Variants in CAMTA1 observed in about 807,000 individuals in gnomAD.
CAMTA1 encodes the protein calmodulin binding transcription activator 1.
CAMTA1 carries 27 observed loss-of-function variants against 170.9 expected under a neutral mutation model. The ratio of observed to expected loss-of-function variants is 0.16; its 90% CI spans 0.12 to 0.22. The LOEUF is 0.22. CAMTA1 is among the 10% of genes least tolerant of loss of function. The pLI is 1.00. For synonymous variants in CAMTA1, 833 were observed against 891.5 expected (o/e 0.93, Z 1.17); for missense variants, 1,619 against 2,217.2 (o/e 0.73, Z 5.42).
chr1:7,716,282 C>G (rs2096609430), intron 11 of CAMTA1, among the ~76,000 whole-genome samples: 1 of 152,186 alleles, frequency 6.6e-6, no homozygotes, highest in Non-Finnish European at 1.5e-5. Context: ...ATCCTCCTGC[C>G]TCAGCCTCAA....
At position 7,458,560 on chromosome 1, in the gene CAMTA1, T is replaced by C. The variant is rs1194934471; in HGVS notation, c.439-9270T>C. Among the ~76,000 whole-genome samples the C allele has an allele frequency of 2.6e-5, 4 of 152,176 alleles. No individual in the cohort carries two copies. The East Asian group carries it at 7.7e-4, about 29-fold the overall frequency. ...CCTGGAGAATGAATTTTGGGGAGCC[T>C]TCCCGCCCCTGCCCAGAGGAGTCCC... On this transcript the variant is annotated intron_variant, in intron 5 of 22. Transcript: ENST00000303635.
chr1:7,409,289 T>G (rs905173906), intron 5 of CAMTA1, among the ~76,000 whole-genome samples: 7 of 151,948 alleles, frequency 4.6e-5, no homozygotes, highest in African/African-American at 1.7e-4. Flanking sequence ...TCCGAATACT[T>G]CTTCTTGGAG....
intron 5 of CAMTA1, among the ~76,000 whole-genome samples, chr1:7,452,141 C>G (rs1424206934): frequency 6.6e-6 from 1 of 152,228 alleles, no homozygotes; most frequent in South Asian, 2.1e-4. Context: ...ATTTCAGCAC[C>G]TCGAATGGGG....
At chr1:6,902,732 G>A (rs981165698) in intron 3 of CAMTA1, among the ~76,000 whole-genome samples, 1 of 152,204 alleles carries the variant, frequency 6.6e-6, no homozygotes, top group South Asian at 2.1e-4. Flanking sequence ...GGTGTTCAAC[G>A]TCAGGGAAAT....
intron 5 of CAMTA1, among the ~76,000 whole-genome samples, chr1:7,395,664 A>G (rs2089241505): frequency 6.6e-6 from 1 of 152,196 alleles, no homozygotes; most frequent in Non-Finnish European, 1.5e-5. Flanking sequence ...TGATTTGGGT[A>G]ATGTGAACAT....
rs1405777170 is a variant in CAMTA1 at position 6,845,339 on chromosome 1, A to G, written c.234+20129A>G. ...GGAACCCTCTGGCATCTCCGTTTATATCTGCTACCACCTCTAACTACCTCG... is the reference window on the plus strand; with the variant it reads ...GGAACCCTCTGGCATCTCCGTTTATGTCTGCTACCACCTCTAACTACCTCG... On this transcript the variant is annotated intron_variant, in intron 3 of 22. Transcript: ENST00000303635. Among the ~76,000 whole-genome samples the G allele has an allele frequency of 2.6e-5, 4 of 152,152 alleles. No homozygotes were observed. In the East Asian group the frequency reaches 7.7e-4, roughly 29 times the overall value.
chr1:7,642,760 C>A lies in CAMTA1; in HGVS notation c.664+2207C>A, dbSNP rs942821085. 4.6e-5 allele frequency among the ~76,000 whole-genome samples: 7 copies of A among 152,110 alleles called. No individual in the cohort carries two copies. Among genetic ancestry groups the A allele is most frequent in the African/African-American group, 1.7e-4 (7 of 41,410 alleles). ...ACACAGCCCCAGACCAATGCCCCACCCTCTCTGCACCCCAGTACCCCTTCT... is the reference window on the plus strand; with the variant it reads ...ACACAGCCCCAGACCAATGCCCCACACTCTCTGCACCCCAGTACCCCTTCT... On this transcript the variant is annotated intron_variant, in intron 7 of 22. Coordinates refer to ENST00000303635, the MANE Select transcript of CAMTA1 (RefSeq NM_015215.4). The surrounding 1 kb of genome is among the most constrained non-coding windows in gnomAD (Gnocchi z 6.3).
chr1:7,745,782 A>AT, intron 17 of CAMTA1, 63 bp from the exon 18 acceptor site: 1 of 1,594,760 alleles, frequency 6.3e-7, no homozygotes, highest in South Asian at 1.1e-5. Flanking sequence ...TCATTCATTA[A>AT]TATCTAATGG....
chr1:7,744,668 G>A (rs2096844637), intron 16 of CAMTA1, among the ~76,000 whole-genome samples, 167 bp from the exon 17 acceptor site: 1 of 152,058 alleles, frequency 6.6e-6, no homozygotes, highest in Admixed American at 6.6e-5. Context: ...ACATTTTGGT[G>A]TGTTATGTTA....
intron 6 of CAMTA1, among the ~76,000 whole-genome samples, chr1:7,597,897 A>G (rs533652474): frequency 1.3e-5 from 2 of 150,654 alleles, no homozygotes; most frequent in African/African-American, 4.9e-5. Flanking sequence ...AGGTATACAT[A>G]TGCCGTGGTG....
At chr1:6,949,016 A>G (rs1688023448) in intron 3 of CAMTA1, among the ~76,000 whole-genome samples, 1 of 152,194 alleles carries the variant, frequency 6.6e-6, no homozygotes, top group African/African-American at 2.4e-5. Context: ...CTTCCAGGGA[A>G]AAGCAGAGAA....
chr1:7,691,091 C>A (rs1220478638), intron 11 of CAMTA1, among the ~76,000 whole-genome samples: 1 of 152,216 alleles, frequency 6.6e-6, no homozygotes, highest in Non-Finnish European at 1.5e-5. Flanking sequence ...CACAAACAAG[C>A]ATTTGGGGAC....
In CAMTA1 at chr1:7,251,598, T is replaced by A. The variant is rs1239928491; in HGVS notation, c.438+1972T>A. On this transcript the variant is annotated intron_variant, in intron 5 of 22. Transcript: ENST00000303635. This position sits in a 1 kb window ranked among gnomAD's most constrained non-coding sequence, Gnocchi z 5.1. Reference sequence around the variant, plus strand: ...GTCCCACTGAGCCACTCAGCAGATATCGACCCTGTGTGCCTACTCTGTGCA... The same window carrying A: ...GTCCCACTGAGCCACTCAGCAGATAACGACCCTGTGTGCCTACTCTGTGCA... Among the ~76,000 whole-genome samples, 2 of 152,128 alleles carry A rather than the reference T, an allele frequency of 1.3e-5. No homozygotes were observed. The highest frequency in any genetic ancestry group is 2.9e-5 in the Non-Finnish European group (2 of 68,016).
chr1:6,862,520 T>G (rs1467820600), intron 3 of CAMTA1, among the ~76,000 whole-genome samples: 1 of 152,208 alleles, frequency 6.6e-6, no homozygotes, highest in African/African-American at 2.4e-5. Flanking sequence ...AGAGTTTTGT[T>G]TTTTTTCTTT....
chr1:7,643,895 G>A (rs1034216072), intron 7 of CAMTA1, among the ~76,000 whole-genome samples: 1 of 99,966 alleles, frequency 1.0e-5, no homozygotes, highest in Admixed American at 9.2e-5. Flanking sequence ...AGCTAAGTGT[G>A]TGTGTCCGGG....
chr1:7,487,068 G>A (rs1159720559), intron 6 of CAMTA1, among the ~76,000 whole-genome samples: 1 of 152,168 alleles, frequency 6.6e-6, no homozygotes, highest in African/African-American at 2.4e-5. Context: ...CGTGATACAC[G>A]GCACATAGTA....
At chr1:7,191,765 T>C (rs1456516349) in intron 4 of CAMTA1, among the ~76,000 whole-genome samples, 1 of 152,150 alleles carries the variant, frequency 6.6e-6, no homozygotes, top group Non-Finnish European at 1.5e-5. Flanking sequence ...TCATCGACAG[T>C]TTCTGCACTG....
chr1:7,393,640 T>G (rs2088975066), intron 5 of CAMTA1, among the ~76,000 whole-genome samples: 1 of 152,226 alleles, frequency 6.6e-6, no homozygotes. Context: ...GTATACATTG[T>G]GTAATGATCA....
At chr1:7,176,557 G>A (rs567322414) in intron 4 of CAMTA1, among the ~76,000 whole-genome samples, 28 of 152,232 alleles carry the variant, frequency 1.8e-4, no homozygotes, top group Non-Finnish European at 3.5e-4. Context: ...CTAGACACTC[G>A]CTCCAGCTCC....
Sources: allele counts gnomAD v4.1 joint callset (sites outside exome capture counted in the v4.1 genomes callset), GRCh38; gene constraint gnomAD v4.1.1; non-coding constraint Gnocchi (gnomAD v3.1); transcripts MANE v1.5; gene names NCBI Gene and HGNC (gene_info 2026-07-23, HGNC 2026-07-21).